Variants in GABRB1 observed in about 807,000 individuals in gnomAD.
GABRB1 encodes gamma-aminobutyric acid type A receptor subunit beta1.
Under a neutral mutation model 51.6 loss-of-function variants are expected in GABRB1, and 17 were observed. That is an observed-to-expected ratio of 0.33 (90% CI 0.23 to 0.49). The LOEUF is 0.49. Among genes scored for constraint, GABRB1 ranks in the 20% least tolerant of loss-of-function variants. The pLI is 0.99. For synonymous variants in GABRB1, 247 were observed against 218.9 expected (o/e 1.13, Z -1.14); for missense variants, 410 against 600.6 (o/e 0.68, Z 3.32).
intron 3 of GABRB1, among the ~76,000 whole-genome samples, chr4:47,137,681 G>A (rs1170298660): frequency 6.6e-6 from 1 of 152,068 alleles, no homozygotes; most frequent in East Asian, 1.9e-4. Context: ...ATATGAATCA[G>A]AGTATCTACC....
intron 4 of GABRB1, among the ~76,000 whole-genome samples, chr4:47,170,952 A>C (rs1718411265): frequency 6.6e-6 from 1 of 152,170 alleles, no homozygotes; most frequent in Non-Finnish European, 1.5e-5. Flanking sequence ...TTTGCCTCTC[A>C]AAGTTTTTAT....
At chr4:47,408,132 C>A (rs1030565576) in intron 8 of GABRB1, among the ~76,000 whole-genome samples, 2 of 152,070 alleles carry the variant, frequency 1.3e-5, no homozygotes, top group African/African-American at 4.8e-5. Context: ...GAGTACTGAA[C>A]AAAAGAGTAT....
At chr4:47,303,257 T>C (rs1382951234) in intron 4 of GABRB1, among the ~76,000 whole-genome samples, 1 of 151,926 alleles carries the variant, frequency 6.6e-6, no homozygotes, top group Non-Finnish European at 1.5e-5. Flanking sequence ...GATGTATTTC[T>C]ACACAAATGG....
chr4:47,266,823 G>A (rs181332019), intron 4 of GABRB1, among the ~76,000 whole-genome samples: 33 of 152,166 alleles, frequency 2.2e-4, no homozygotes, highest in Admixed American at 3.3e-4. Flanking sequence ...TTTATGTTCA[G>A]TGTTTCTTTG....
At chr4:47,138,746 G>A (rs1447845287) in intron 3 of GABRB1, among the ~76,000 whole-genome samples, 2 of 152,060 alleles carry the variant, frequency 1.3e-5, no homozygotes, top group Non-Finnish European at 2.9e-5. Context: ...TCAAAACTGT[G>A]AGCTAGAGCG....
At chr4:47,339,539 A>ATATGTGTG (rs1725809306) in intron 5 of GABRB1, among the ~76,000 whole-genome samples, 1 of 115,026 alleles carries the variant, frequency 8.7e-6, no homozygotes, top group Non-Finnish European at 1.7e-5. Flanking sequence ...GTATGTGTGC[A>ATATGTGTG]TATGTGTGTG....
chr4:47,007,887 TATATATAAA>T (rs1305237978), intron 1 of GABRB1, among the ~76,000 whole-genome samples: 1 of 23,952 alleles, frequency 4.2e-5, no homozygotes, highest in Admixed American at 2.4e-4. Context: ...TATATATATA[TATATATAAA>T]ATCAAGTTTG....
At chr4:47,107,098 T>G (rs1179857747) in intron 3 of GABRB1, among the ~76,000 whole-genome samples, 1 of 152,044 alleles carries the variant, frequency 6.6e-6, no homozygotes, top group East Asian at 1.9e-4. Context: ...CTTTAACAGC[T>G]AAAGAGCATC....
At chr4:47,024,667 A>G (rs1725031134) in intron 1 of GABRB1, among the ~76,000 whole-genome samples, 1 of 151,606 alleles carries the variant, frequency 6.6e-6, no homozygotes, top group Admixed American at 6.6e-5. Flanking sequence ...TGGTGCACCC[A>G]TCACCCGAGC....
At chr4:47,009,742 C>A (rs1229860603) in intron 1 of GABRB1, among the ~76,000 whole-genome samples, 1 of 152,090 alleles carries the variant, frequency 6.6e-6, no homozygotes, top group African/African-American at 2.4e-5. Flanking sequence ...GGTTTTAGGG[C>A]CTGTCCACTG....
At chr4:47,298,431 T>A (rs1352278065) in intron 4 of GABRB1, among the ~76,000 whole-genome samples, 3 of 152,114 alleles carry the variant, frequency 2.0e-5, no homozygotes, top group Admixed American at 1.3e-4. Context: ...ACAAGCATTC[T>A]TATACACCAA....
At chr4:47,141,455 A>G (rs1716930513) in intron 3 of GABRB1, among the ~76,000 whole-genome samples, 2 of 152,052 alleles carry the variant, frequency 1.3e-5, no homozygotes, top group Admixed American at 1.3e-4. Flanking sequence ...CTTATCAACC[A>G]TGGCTAGGGG....
chr4:47,152,804 C>T (rs1035601210), intron 3 of GABRB1, among the ~76,000 whole-genome samples: 3 of 152,038 alleles, frequency 2.0e-5, no homozygotes, highest in African/African-American at 7.2e-5. Context: ...TTCTCCCTAA[C>T]CTCCCATATT....
At chr4:46,996,946 T>G (rs931837576) in intron 1 of GABRB1, among the ~76,000 whole-genome samples, 1 of 152,210 alleles carries the variant, frequency 6.6e-6, no homozygotes, top group African/African-American at 2.4e-5. Context: ...CTTTAAATTC[T>G]GAAGGCTTGT....
intron 4 of GABRB1, among the ~76,000 whole-genome samples, chr4:47,183,345 CATATATATATATATATATATAT>C (rs57840134): frequency 1.6e-5 from 2 of 124,434 alleles, no homozygotes; most frequent in Non-Finnish European, 3.4e-5. Context: ...TGTGTGTGTG[CATATATATATATATATATATAT>C]ATATATATAT....
intron 3 of GABRB1, among the ~76,000 whole-genome samples, chr4:47,137,094 C>T (rs1400333798): frequency 6.6e-6 from 1 of 152,042 alleles, no homozygotes; most frequent in Admixed American, 6.6e-5. Flanking sequence ...ATAAACAAGT[C>T]CTGCGCTAAA....
At chr4:47,016,841 C>T (rs2109446549) in intron 1 of GABRB1, among the ~76,000 whole-genome samples, 1 of 152,250 alleles carries the variant, frequency 6.6e-6, no homozygotes, top group South Asian at 2.1e-4. Flanking sequence ...CCACTGACCT[C>T]AGTCTCCCAA....
Position 47,224,916 on chromosome 4 carries a change from C to G in GABRB1, c.461+63447C>G, listed in dbSNP as rs534783718. Among the ~76,000 whole-genome samples, 418 of 152,090 alleles carry G rather than the reference C, an allele frequency of 2.7e-3. 1 individual carries two copies. Among genetic ancestry groups the G allele is most frequent in the Non-Finnish European group, 5.0e-3 (338 of 67,974 alleles). ...TTGTTTTTGTTTTTTGTTTTTGAGA[C>G]AGAGTTTCATTCTTGTTGCTCAGGC... On this transcript the variant is annotated intron_variant, in intron 4 of 8. Transcript: ENST00000295454.
intron 1 of GABRB1, among the ~76,000 whole-genome samples, chr4:47,014,188 A>G (rs1724668777): frequency 1.3e-5 from 2 of 152,154 alleles, no homozygotes; most frequent in Non-Finnish European, 2.9e-5. Context: ...ATGTATCCAT[A>G]TATTATTGGA....
Sources: gnomAD v4.1 joint callset for allele counts (sites outside exome capture counted in the v4.1 genomes callset) on GRCh38, gnomAD v4.1.1 for gene constraint, MANE v1.5 for transcripts, NCBI Gene and HGNC (gene_info 2026-07-23, HGNC 2026-07-21) for gene names.